The following NECTIN2 variants were observed in gnomAD, a reference collection of about 807,000 sequenced individuals.
NECTIN2 encodes the protein nectin-2.
Under a neutral mutation model 56.9 loss-of-function variants are expected in NECTIN2, and 23 were observed. That is an observed-to-expected ratio of 0.40 (90% CI 0.29 to 0.57). The LOEUF (loss-of-function observed/expected upper bound fraction) is 0.57. Ranked by LOEUF, NECTIN2 falls within the 20% of genes least tolerant of loss-of-function variation. The pLI, the probability that NECTIN2 is intolerant of heterozygous loss-of-function variation, is 0.38. For missense variants in NECTIN2, 587 were observed against 718.3 expected (o/e 0.82, Z 2.09); for synonymous variants, 302 against 313.8 (o/e 0.96, Z 0.40).
At chr19:44,882,902 C>T (rs1302800811) in intron 6 of NECTIN2, among the ~76,000 whole-genome samples, 1 of 151,500 alleles carries the variant, frequency 6.6e-6, no homozygotes, top group Non-Finnish European at 1.5e-5. Flanking sequence ...CTGCCTCAGC[C>T]TCCGGAGTAG....
rs1408561769 is a variant in NECTIN2, at chr19:44,875,946, C to T, written c.1042+1468C>T. Among the ~76,000 whole-genome samples, 2 of 152,134 alleles carry T rather than the reference C, an allele frequency of 1.3e-5. No homozygotes were observed. The highest frequency in any genetic ancestry group is 2.4e-5 in the African/African-American group (1 of 41,424). Reference sequence around the variant, plus strand: ...ATGCACATAAGTCCCCGGAGGAAGACGTCACACAGACACGCTGGGGGCAAA... The same window carrying T: ...ATGCACATAAGTCCCCGGAGGAAGATGTCACACAGACACGCTGGGGGCAAA... On this transcript the variant is annotated intron_variant, in intron 5 of 8. Coordinates refer to ENST00000252483, the MANE Select transcript of NECTIN2 (RefSeq NM_001042724.2). The surrounding 1 kb of genome is among the most constrained non-coding windows in gnomAD (Gnocchi z 4.2).
rs372578036 is a variant in NECTIN2 at position 44,888,315 on chromosome 19, A to G, written c.1553A>G (p.Tyr518Cys). 59 of 1,613,810 alleles carry G rather than the reference A, an allele frequency of 3.7e-5. No individual in the cohort carries two copies. Among genetic ancestry groups the G allele is most frequent in the Non-Finnish European group, 4.8e-5 (57 of 1,179,894 alleles). Residue 518 changes from tyrosine (Y) to cysteine (C), a missense_variant, in exon 9 of 9, where the codon TAT becomes TGT. Coordinates refer to ENST00000252483, the MANE Select transcript of NECTIN2 (RefSeq NM_001042724.2). Reference protein sequence around the residue: ...KINPIYDALSYSSPSDSYQGK... With the variant: ...KINPIYDALSCSSPSDSYQGK... ...AACCCCATCTATGATGCTCTGTCCT[A>G]TAGCAGCCCCTCTGATTCCTACCAG...
At chr19:44,857,753 G>C (rs1968984619) in intron 1 of NECTIN2, among the ~76,000 whole-genome samples, 1 of 144,714 alleles carries the variant, frequency 6.9e-6, no homozygotes, top group Non-Finnish European at 1.5e-5. Flanking sequence ...ATATTGTCCA[G>C]GCTGGTCTCA....
Position 44,865,224 on chromosome 19 carries a change from G to A in NECTIN2, c.89-47G>A. On this transcript the variant is annotated intron_variant, in intron 1 of 8. Transcript: ENST00000252483. This position sits in a 1 kb window ranked among gnomAD's most constrained non-coding sequence, Gnocchi z 5.2. ...TGGTGGCCCTGCCTGGAGGTGTCTG[G>A]GTCCCTCCCCCACCCGACTACTTCA... 7.8e-6 allele frequency: 12 copies of A among 1,542,314 alleles called. No homozygotes were observed. The highest frequency in any genetic ancestry group is 1.1e-5 in the Non-Finnish European group (12 of 1,138,162).
At chr19:44,859,070 A>G (rs1226682595) in intron 1 of NECTIN2, among the ~76,000 whole-genome samples, 2 of 152,154 alleles carry the variant, frequency 1.3e-5, no homozygotes, top group African/African-American at 4.8e-5. Context: ...AGAGTTACTC[A>G]TTAGGATGGT....
chr19:44,862,572 A>G (rs1599914016), intron 1 of NECTIN2, among the ~76,000 whole-genome samples: 2 of 152,330 alleles, frequency 1.3e-5, no homozygotes, highest in Middle Eastern at 6.8e-3. Context: ...ATGGAACTGG[A>G]GGCCATTATC....
Position 44,886,020 on chromosome 19 carries a change from C to A in NECTIN2, c.1260+20C>A. ...GAGATGGTGAGCACTTTCCCTGGAGCCCAAGCTATCCCCACCTCCACACCC... is the reference window on the plus strand; with the variant it reads ...GAGATGGTGAGCACTTTCCCTGGAGACCAAGCTATCCCCACCTCCACACCC... On this transcript the variant is annotated intron_variant, in intron 7 of 8. Transcript: ENST00000252483. 1 of 1,588,228 alleles carries A rather than the reference C, an allele frequency of 6.3e-7. No individual in the cohort carries two copies.
chr19:44,869,436 C>CA lies in NECTIN2; in HGVS notation c.479-2410dup, dbSNP rs1283906190. ...TGAAACCCTGTCTCTACTAAAAATA[C>CA]AAAAAAATTAGCCGGGCGTGGTGGC... is the stretch of plus-strand genomic sequence containing the variant. On this transcript the variant is annotated intron_variant, in intron 2 of 8. Transcript: ENST00000252483. 4.6e-5 allele frequency among the ~76,000 whole-genome samples: 7 copies of CA among 151,238 alleles called. No homozygotes were observed. The East Asian group carries it at 7.8e-4, about 17-fold the overall frequency.
intron 5 of NECTIN2, among the ~76,000 whole-genome samples, chr19:44,880,841 T>C (rs1288318387): frequency 1.3e-5 from 2 of 151,062 alleles, no homozygotes; most frequent in Non-Finnish European, 2.9e-5. Flanking sequence ...GGCGCGATCT[T>C]GGCTCACGGC....
At position 44,882,252 on chromosome 19, in the gene NECTIN2, A is replaced by G. The variant is rs1969315634; in HGVS notation, c.1084A>G (p.Ile362Val). 3 of 1,550,198 alleles carry G rather than the reference A, an allele frequency of 1.9e-6. No individual in the cohort carries two copies. The highest frequency in any genetic ancestry group is 2.6e-6 in the Non-Finnish European group (3 of 1,146,476). ...TAGAGATGGI[I>V]GGIIAAIIAT... ...AGGCGCAGGGGCCACAGGCGGCATC[A>G]TCGGGGGCATCATCGCCGCCATCAT... is the stretch of plus-strand genomic sequence containing the variant. Residue 362 changes from isoleucine (I) to valine (V), a missense_variant, in exon 6 of 9, where the codon ATC (isoleucine) becomes GTC (valine). Ile to Val is a conservative substitution (Grantham distance 29). Coordinates refer to ENST00000252483, the MANE Select transcript of NECTIN2 (RefSeq NM_001042724.2).
intron 5 of NECTIN2, among the ~76,000 whole-genome samples, chr19:44,876,962 G>A (rs1364815936): frequency 4.6e-5 from 7 of 152,060 alleles, no homozygotes; most frequent in Non-Finnish European, 1.0e-4. Flanking sequence ...CAGAAACAGA[G>A]ACAAGCCTCC....
At chr19:44,885,825 A>G in intron 6 of NECTIN2, 112 bp from the exon 7 acceptor site, 2 of 839,454 alleles carry the variant, frequency 2.4e-6, no homozygotes, top group South Asian at 1.4e-5. Context: ...AGGCAAGAAA[A>G]GGGGGCAGGG....
chr19:44,862,593 T>A (rs900386122), intron 1 of NECTIN2, among the ~76,000 whole-genome samples: 5 of 151,928 alleles, frequency 3.3e-5, no homozygotes, highest in African/African-American at 1.2e-4. Context: ...CTGAGTAAAA[T>A]AGAAAGTCAA....
chr19:44,872,757 C>T (rs1292564588), intron 3 of NECTIN2, among the ~76,000 whole-genome samples: 9 of 147,520 alleles, frequency 6.1e-5, no homozygotes, highest in Non-Finnish European at 4.4e-5. Context: ...GTCTCTACAC[C>T]GACCCCTGAT....
At position 44,865,190 on chromosome 19, in the gene NECTIN2, C is replaced by A. The variant is rs1969083132; in HGVS notation, c.89-81C>A. The stretch of plus-strand genomic sequence containing the variant: ...TGCGGAGCCTGCATTTCCCGTGGGG[C>A]CCCCTTCGTGGTGGCCCTGCCTGGA... On this transcript the variant is annotated intron_variant, in intron 1 of 8. Coordinates refer to ENST00000252483, the MANE Select transcript of NECTIN2 (RefSeq NM_001042724.2). This position sits in a 1 kb window ranked among gnomAD's most constrained non-coding sequence, Gnocchi z 5.2. 1 of 1,430,964 alleles carries A rather than the reference C, an allele frequency of 7.0e-7. No homozygotes were observed. The highest frequency in any genetic ancestry group is 1.4e-5 in the South Asian group (1 of 70,872). The allele number at this position is 1,430,964 out of a possible 1,614,324, so 88.6% of individuals were successfully genotyped here.
Position 44,864,732 on chromosome 19 carries a change from G to A in NECTIN2, c.89-539G>A, listed in dbSNP as rs529958209. Among the ~76,000 whole-genome samples the A allele has an allele frequency of 7.2e-5, 11 of 152,236 alleles. No homozygotes were observed. The East Asian group carries it at 2.1e-3, about 29-fold the overall frequency. On this transcript the variant is annotated intron_variant, in intron 1 of 8. Transcript: ENST00000252483. The stretch of plus-strand genomic sequence containing the variant: ...AGTCCCAGGTACTCAGGAGGCTGAG[G>A]CAGGAGAATGGCGTGAACCCAGGAG...
chr19:44,870,689 C>T (rs1385236008), intron 2 of NECTIN2, among the ~76,000 whole-genome samples: 1 of 151,270 alleles, frequency 6.6e-6, no homozygotes, highest in Non-Finnish European at 1.5e-5. Context: ...AACCACAGTA[C>T]TCAGTTACTC....
Position 44,865,523 on chromosome 19 carries a change from A to G in NECTIN2, c.341A>G (p.Gln114Arg), listed in dbSNP as rs1027506305. ...GTCTCTGCCAAGCAGAGCACTGGGC[A>G]AGACACAGAGGCAGAGCTCCAGGAC... ...SFVSAKQSTG[Q>R]DTEAELQDAT... The change falls in exon 2 of 9, where the codon CAA (glutamine) becomes CGA (arginine). Residue 114 changes from glutamine (Q) to arginine (R), a missense_variant. Gln to Arg is a conservative substitution (Grantham distance 43). Transcript: ENST00000252483. This position sits in a 1 kb window ranked among gnomAD's most constrained non-coding sequence, Gnocchi z 5.2. 2 of 1,592,452 alleles carry G rather than the reference A, an allele frequency of 1.3e-6. No individual in the cohort carries two copies. Among genetic ancestry groups the G allele is most frequent in the Non-Finnish European group, 1.7e-6 (2 of 1,170,104 alleles).
chr19:44,871,788 C>T, intron 2 of NECTIN2, 65 bp from the exon 3 acceptor site: 2 of 1,541,202 alleles, frequency 1.3e-6, no homozygotes, highest in Non-Finnish European at 1.8e-6. Flanking sequence ...CCCTGCTCCT[C>T]TGCTGAGTGT....
Sources: allele counts gnomAD v4.1 joint callset (sites outside exome capture counted in the v4.1 genomes callset), GRCh38; gene constraint gnomAD v4.1.1; non-coding constraint Gnocchi (gnomAD v3.1); transcripts MANE v1.5; gene names NCBI Gene and HGNC (gene_info 2026-07-23, HGNC 2026-07-21).